The following TMEM132C variants were observed in gnomAD, a reference collection of about 807,000 sequenced individuals.
The protein encoded by TMEM132C is transmembrane protein 132C.
TMEM132C carries 29 observed loss-of-function variants against 61.4 expected under a neutral mutation model. That is an observed-to-expected ratio of 0.47 (90% CI 0.35 to 0.64). TMEM132C has a LOEUF of 0.64. Ranked by LOEUF, TMEM132C falls within the 30% of genes least tolerant of loss-of-function variation. The pLI is 0.00. For missense variants in TMEM132C, 1,408 were observed against 1,476.9 expected, an observed-to-expected ratio of 0.95 and a Z score of 0.76; for synonymous variants, 656 against 633.1, an observed-to-expected ratio of 1.04 and a Z score of -0.54.
At chr12:128,279,725 G>C (rs917277649) in intron 1 of TMEM132C, among the ~76,000 whole-genome samples, 1 of 152,202 alleles carries the variant, frequency 6.6e-6, no homozygotes, top group African/African-American at 2.4e-5. Context: ...CCTCATGGAA[G>C]TCTCCCTATG....
chr12:128,539,328 A>G (rs1481415944), intron 2 of TMEM132C, among the ~76,000 whole-genome samples: 2 of 152,178 alleles, frequency 1.3e-5, no homozygotes, highest in Non-Finnish European at 1.5e-5. Context: ...TAGCACACAC[A>G]TGTGTGGGCT....
At chr12:128,419,942 C>T (rs1045085077) in intron 2 of TMEM132C, among the ~76,000 whole-genome samples, 1 of 152,052 alleles carries the variant, frequency 6.6e-6, no homozygotes, top group Non-Finnish European at 1.5e-5. Flanking sequence ...CCTGTAATCC[C>T]AGCACTTTGG....
chr12:128,512,660 G>C (rs1403015386), intron 2 of TMEM132C, among the ~76,000 whole-genome samples: 2 of 152,220 alleles, frequency 1.3e-5, no homozygotes, highest in African/African-American at 4.8e-5. Flanking sequence ...TCTGCAAGTA[G>C]GCAGAGGAGA....
chr12:128,414,700 T>A, intron 1 of TMEM132C, 32 bp from the exon 2 acceptor site: 1 of 1,486,030 alleles, frequency 6.7e-7, no homozygotes, highest in Admixed American at 2.3e-5. Context: ...CCTGTCTTTG[T>A]CTTTTTCTTT....
intron 2 of TMEM132C, among the ~76,000 whole-genome samples, chr12:128,445,503 T>C (rs967352377): frequency 2.6e-5 from 4 of 152,148 alleles, no homozygotes; most frequent in Non-Finnish European, 5.9e-5. Flanking sequence ...TGCTATATCT[T>C]GGTCCTGGGG....
chr12:128,633,894 A>G (rs1480827797), intron 4 of TMEM132C, among the ~76,000 whole-genome samples: 3 of 152,252 alleles, frequency 2.0e-5, no homozygotes, highest in Non-Finnish European at 4.4e-5. Flanking sequence ...AGATAATGGG[A>G]TAAGAGCCAA....
At chr12:128,529,365 A>G (rs925186319) in intron 2 of TMEM132C, among the ~76,000 whole-genome samples, 1 of 152,134 alleles carries the variant, frequency 6.6e-6, no homozygotes, top group Non-Finnish European at 1.5e-5. Context: ...ATTAAATGAC[A>G]GTTCAAGGAC....
At chr12:128,270,831 C>G (rs35221856) in intron 1 of TMEM132C, among the ~76,000 whole-genome samples, 50,479 of 152,046 alleles carry the variant, frequency 0.33, 8,709 homozygotes, top group Admixed American at 0.41. Flanking sequence ...CATCAGATCT[C>G]AATGTGTCCT....
At chr12:128,432,790 A>C (rs898374403) in intron 2 of TMEM132C, among the ~76,000 whole-genome samples, 1 of 152,242 alleles carries the variant, frequency 6.6e-6, no homozygotes, top group East Asian at 1.9e-4. Flanking sequence ...GGTTAACTCC[A>C]ATTATGAAAG....
At chr12:128,629,099 T>C (rs1303288702) in intron 4 of TMEM132C, among the ~76,000 whole-genome samples, 3 of 152,240 alleles carry the variant, frequency 2.0e-5, no homozygotes, top group Non-Finnish European at 4.4e-5. Flanking sequence ...TTTCAATCTC[T>C]CTTACAAACA....
At chr12:128,585,502 C>T (rs1875511483) in intron 3 of TMEM132C, among the ~76,000 whole-genome samples, 1 of 152,226 alleles carries the variant, frequency 6.6e-6, no homozygotes, top group Non-Finnish European at 1.5e-5. Flanking sequence ...TCTTGCAGGA[C>T]TGTGTCCTGC....
rs995230274 is a variant in TMEM132C, at chr12:128,326,653, C to T, written c.85+59166C>T. ...CAGCGTGGGTAATTAGACTGTCACT[C>T]TCGAGGAAGGGAACACTGAAGCAGG... On this transcript the variant is annotated intron_variant, in intron 1 of 8. Transcript: ENST00000435159. The surrounding 1 kb of genome is among the most constrained non-coding windows in gnomAD (Gnocchi z 5.6). Among the ~76,000 whole-genome samples the T allele has an allele frequency of 6.6e-6, 1 of 152,154 alleles. No homozygotes were observed. Among genetic ancestry groups the T allele is most frequent in the Admixed American group, 6.5e-5 (1 of 15,284 alleles).
intron 1 of TMEM132C, among the ~76,000 whole-genome samples, chr12:128,285,941 C>T (rs1432426523): frequency 8.3e-6 from 1 of 120,764 alleles, no homozygotes; most frequent in African/African-American, 4.2e-5. Context: ...CTCTCCCTTT[C>T]TCTCTTTCTC....
intron 5 of TMEM132C, among the ~76,000 whole-genome samples, chr12:128,670,366 GC>G (rs2135631272): frequency 6.6e-6 from 1 of 152,198 alleles, no homozygotes; most frequent in Non-Finnish European, 1.5e-5. Context: ...CCAAAAAATT[GC>G]TTGAACATAT....
At chr12:128,649,946 T>C (rs941286074) in intron 4 of TMEM132C, among the ~76,000 whole-genome samples, 2 of 152,184 alleles carry the variant, frequency 1.3e-5, no homozygotes, top group African/African-American at 4.8e-5. Flanking sequence ...GAATTGAAAG[T>C]AAATGAGGAG....
In TMEM132C at chr12:128,623,389, G is replaced by A. The variant is rs542891302; in HGVS notation, c.1305+7054G>A. Among the ~76,000 whole-genome samples the A allele has an allele frequency of 1.1e-4, 16 of 150,652 alleles. No homozygotes were observed. The East Asian group carries it at 2.7e-3, about 26-fold the overall frequency. On this transcript the variant is annotated intron_variant, in intron 4 of 8. Coordinates refer to ENST00000435159, the MANE Select transcript of TMEM132C (RefSeq NM_001136103.3). Reference sequence around the variant, plus strand: ...TAACAAACCTGCACGTTGTGCACATGTACCCTAGAACTTAAAGTATAAAGT... The same window carrying A: ...TAACAAACCTGCACGTTGTGCACATATACCCTAGAACTTAAAGTATAAAGT...
chr12:128,290,460 C>T (rs1871213689), intron 1 of TMEM132C, among the ~76,000 whole-genome samples: 1 of 152,084 alleles, frequency 6.6e-6, no homozygotes, highest in East Asian at 1.9e-4. Context: ...CCGACCAGGT[C>T]CCTCCCTTGA....
chr12:128,679,100 G>A (rs983707205), intron 5 of TMEM132C, among the ~76,000 whole-genome samples: 1 of 152,280 alleles, frequency 6.6e-6, no homozygotes, highest in Non-Finnish European at 1.5e-5. Flanking sequence ...AAAAGAAAAG[G>A]CAGGTGACAC....
chr12:128,321,941 T>C (rs1322457812), intron 1 of TMEM132C, among the ~76,000 whole-genome samples: 2 of 152,198 alleles, frequency 1.3e-5, no homozygotes, highest in Admixed American at 6.5e-5. Context: ...GCTTGTGTGG[T>C]GGAAAGCCAG....
Sources: gnomAD v4.1 joint callset for allele counts (sites outside exome capture counted in the v4.1 genomes callset) on GRCh38, gnomAD v4.1.1 for gene constraint, Gnocchi (gnomAD v3.1) non-coding constraint, MANE v1.5 for transcripts, NCBI Gene and HGNC (gene_info 2026-07-23, HGNC 2026-07-21) for gene names.